ARHGAP12: variants seen among roughly 807,000 people sequenced by gnomAD.
The protein encoded by ARHGAP12 is Rho GTPase activating protein 12.
A neutral mutation model predicts 108.6 loss-of-function variants in ARHGAP12; 64 were observed. That is an observed-to-expected ratio of 0.59 (90% CI 0.48 to 0.73). ARHGAP12 has a LOEUF of 0.73. Among genes scored for constraint, ARHGAP12 ranks in the 30% least tolerant of loss-of-function variants. The pLI is 0.00. For synonymous variants in ARHGAP12, 312 were observed against 337.2 expected (o/e 0.93, Z 0.82); for missense variants, 940 against 1,005.9 (o/e 0.93, Z 0.89).
At chr10:31,844,810 GA>G (rs1836391901) in intron 6 of ARHGAP12, among the ~76,000 whole-genome samples, 1 of 151,346 alleles carries the variant, frequency 6.6e-6, no homozygotes, top group African/African-American at 2.4e-5. Flanking sequence ...ACCATAGCAG[GA>G]ACTCTATCTC....
intron 9 of ARHGAP12, among the ~76,000 whole-genome samples, chr10:31,838,775 T>C (rs558723713): frequency 6.8e-6 from 1 of 147,902 alleles, no homozygotes; most frequent in Non-Finnish European, 1.5e-5. Context: ...AGGCTGCAGT[T>C]AGCCGAGATC....
Position 31,861,570 on chromosome 10 carries a change from G to T in ARHGAP12, c.773C>A (p.Pro258Gln). 1 of 1,614,156 alleles carries T rather than the reference G, an allele frequency of 6.2e-7. No individual in the cohort carries two copies. Among genetic ancestry groups the T allele is most frequent in the Middle Eastern group, 1.6e-4 (1 of 6,062 alleles). ...ELKISQSALP[P>Q]LPGSPAIQIN... ...CTGAATTGCCGGGCTCCCAGGAAGTGGGGGAAGAGCAGACTGGGATATTTT... is the reference window on the plus strand; with the variant it reads ...CTGAATTGCCGGGCTCCCAGGAAGTTGGGGAAGAGCAGACTGGGATATTTT... Residue 258 changes from proline (P) to glutamine (Q), a missense_variant, in exon 4 of 20, where the codon CCA becomes CAA. Pro to Gln is a moderately conservative substitution (Grantham distance 76). Transcript: ENST00000344936.
At chr10:31,925,671 GTGGGGCC>G (rs1827007530) in intron 1 of ARHGAP12, among the ~76,000 whole-genome samples, 1 of 152,126 alleles carries the variant, frequency 6.6e-6, no homozygotes, top group South Asian at 2.1e-4. Flanking sequence ...CCGGTATGAG[GTGGGGCC>G]CTAAAATTTA....
At position 31,913,237 on chromosome 10, in the gene ARHGAP12, T is replaced by C. The variant is rs989930834; in HGVS notation, c.-110-2674A>G. 9.7e-5 allele frequency: 15 copies of C among 154,036 alleles called. 1 individual carries two copies. Among genetic ancestry groups the C allele is most frequent in the Admixed American group, 5.2e-4 (8 of 15,382 alleles). 9.5% of individuals were successfully genotyped at this position (154,036 alleles called of 1,614,324 possible). On this transcript the variant is annotated intron_variant, in intron 1 of 19. Transcript: ENST00000344936. ...GGAGCACAGGAAGCACCCAGATGGT[T>C]CAGTCAGCTTCTAAGGGTCTTTCTA...
At chr10:31,833,650 C>T (rs1035589193) in intron 9 of ARHGAP12, among the ~76,000 whole-genome samples, 1 of 152,098 alleles carries the variant, frequency 6.6e-6, no homozygotes, top group African/African-American at 2.4e-5. Flanking sequence ...CGTACAAATA[C>T]AAAGAACAAT....
rs897250085 is a variant in ARHGAP12, at chr10:31,805,437, T to C, written c.*2221A>G. 3 of 152,302 alleles carry C rather than the reference T, an allele frequency of 2.0e-5. No individual in the cohort carries two copies. Among genetic ancestry groups the C allele is most frequent in the African/African-American group, 7.2e-5 (3 of 41,576 alleles). 9.4% of individuals were successfully genotyped at this position (152,302 alleles called of 1,614,324 possible). A position where few individuals can be genotyped will look rare whatever the true frequency, so the allele number is the denominator to read the frequency against. On this transcript the variant is annotated 3_prime_UTR_variant, in exon 20 of 20. Transcript: ENST00000344936. ...TTATGAAGGAAGACTTACTAACAAA[T>C]AAAATTCCACTGATAATTTATTTCA... is the stretch of plus-strand genomic sequence containing the variant.
At chr10:31,922,180 CAAAAAAAAAAAAAAA>C (rs56210740) in intron 1 of ARHGAP12, among the ~76,000 whole-genome samples, 114 of 66,118 alleles carry the variant, frequency 1.7e-3, no homozygotes, top group African/African-American at 6.5e-3. Context: ...GACCCTGCCT[CAAAAAAAAAAAAAAA>C]AAAAAAAAAA....
intron 3 of ARHGAP12, among the ~76,000 whole-genome samples, chr10:31,871,330 A>G (rs1418735488): frequency 1.3e-5 from 2 of 152,148 alleles, no homozygotes; most frequent in African/African-American, 4.8e-5. Flanking sequence ...GTAAACACAT[A>G]ATTTGCCTTA....
chr10:31,810,087 A>G (rs1834959343), intron 16 of ARHGAP12, among the ~76,000 whole-genome samples: 2 of 152,186 alleles, frequency 1.3e-5, no homozygotes, highest in Admixed American at 6.5e-5. Context: ...TGATATACAG[A>G]GATAAGTTAA....
At chr10:31,815,189 C>T (rs967559121) in intron 13 of ARHGAP12, among the ~76,000 whole-genome samples, 3 of 151,576 alleles carry the variant, frequency 2.0e-5, no homozygotes, top group Non-Finnish European at 2.9e-5. Context: ...TAACTAAGGT[C>T]GCTTGTACAG....
intron 7 of ARHGAP12, among the ~76,000 whole-genome samples, chr10:31,840,648 A>T (rs1177345406): frequency 6.6e-6 from 1 of 152,158 alleles, no homozygotes; most frequent in Non-Finnish European, 1.5e-5. Flanking sequence ...CTATGTCTAT[A>T]AACCTGGAGA....
chr10:31,833,531 A>C (rs1306512134), intron 9 of ARHGAP12, among the ~76,000 whole-genome samples: 1 of 152,196 alleles, frequency 6.6e-6, no homozygotes, highest in Non-Finnish European at 1.5e-5. Context: ...CACTCAAAGA[A>C]AAGGTCCAGA....
At chr10:31,830,090 T>C (rs1407616748) in intron 10 of ARHGAP12, among the ~76,000 whole-genome samples, 1 of 152,228 alleles carries the variant, frequency 6.6e-6, no homozygotes, top group Non-Finnish European at 1.5e-5. Flanking sequence ...AAAAAATATT[T>C]GTGTCAATTT....
At chr10:31,924,423 G>T (rs1413687502) in intron 1 of ARHGAP12, among the ~76,000 whole-genome samples, 1 of 151,974 alleles carries the variant, frequency 6.6e-6, no homozygotes, top group East Asian at 1.9e-4. Context: ...CATGATAGAT[G>T]GTATCACATT....
chr10:31,910,952 G>A (rs952747277), intron 1 of ARHGAP12, among the ~76,000 whole-genome samples: 14 of 152,244 alleles, frequency 9.2e-5, no homozygotes, highest in African/African-American at 3.1e-4. Context: ...GAATAAAAAC[G>A]TATGTTAAAA....
At chr10:31,851,280 AAAGT>A (rs1836670009) in intron 6 of ARHGAP12, among the ~76,000 whole-genome samples, 3 of 152,328 alleles carry the variant, frequency 2.0e-5, no homozygotes, top group Non-Finnish European at 4.4e-5. Context: ...GAGCAAACAG[AAAGT>A]AAGAACCTAC....
intron 13 of ARHGAP12, among the ~76,000 whole-genome samples, chr10:31,815,113 T>A (rs374333421): frequency 2.5e-5 from 3 of 119,628 alleles, no homozygotes; most frequent in Non-Finnish European, 5.0e-5. Flanking sequence ...AAAGTAAGAC[T>A]CTGTCTCAAA....
At chr10:31,811,575 C>CT (rs772602214) in intron 15 of ARHGAP12, among the ~76,000 whole-genome samples, 26 of 147,842 alleles carry the variant, frequency 1.8e-4, no homozygotes, top group Non-Finnish European at 3.3e-4. Flanking sequence ...TTTAAAGACT[C>CT]TGAACTCATC....
intron 1 of ARHGAP12, among the ~76,000 whole-genome samples, chr10:31,924,202 G>A (rs1286269568): frequency 6.6e-6 from 1 of 152,114 alleles, no homozygotes; most frequent in Non-Finnish European, 1.5e-5. Flanking sequence ...CCTCTTCTAG[G>A]TATTTACCCA....
Sources: gnomAD v4.1 joint callset for allele counts (sites outside exome capture counted in the v4.1 genomes callset) on GRCh38, gnomAD v4.1.1 for gene constraint, MANE v1.5 for transcripts, NCBI Gene and HGNC (gene_info 2026-07-23, HGNC 2026-07-21) for gene names.